Variants in DIS3L2 observed in about 807,000 individuals in gnomAD.
The protein encoded by DIS3L2 is DIS3 like 3'-5' exoribonuclease 2, also known as DIS3-like exonuclease 2.
In DIS3L2, 34 loss-of-function variants were observed where a neutral mutation model predicts 97.5. The observed-to-expected ratio is 0.35, with a 90% CI of 0.27 to 0.46. The LOEUF is 0.46. Ranked by LOEUF, DIS3L2 falls within the 20% of genes least tolerant of loss-of-function variation. The pLI is 1.00. For missense variants in DIS3L2, 1,038 were observed against 1,146.0 expected, an observed-to-expected ratio of 0.91 and a Z score of 1.36; for synonymous variants, 435 against 445.2, an observed-to-expected ratio of 0.98 and a Z score of 0.29.
At chr2:232,258,012 C>T (rs768100375) in intron 12 of DIS3L2, among the ~76,000 whole-genome samples, 1 of 152,200 alleles carries the variant, frequency 6.6e-6, no homozygotes, top group African/African-American at 2.4e-5. Flanking sequence ...GAACAATGCA[C>T]TCCTCCCAGA....
At chr2:232,128,968 C>A (rs187828285) in intron 6 of DIS3L2, among the ~76,000 whole-genome samples, 3 of 152,286 alleles carry the variant, frequency 2.0e-5, no homozygotes, top group African/African-American at 7.2e-5. Flanking sequence ...GAATATAGAA[C>A]CTGAAAAGGT....
chr2:232,138,674 A>AG (rs1474816463), intron 8 of DIS3L2, among the ~76,000 whole-genome samples: 1 of 152,120 alleles, frequency 6.6e-6, no homozygotes, highest in East Asian at 1.9e-4. Flanking sequence ...ATGACTGCCT[A>AG]GGTTTCCTCC....
chr2:232,096,269 A>G (rs969766281), intron 6 of DIS3L2, among the ~76,000 whole-genome samples: 73 of 151,290 alleles, frequency 4.8e-4, no homozygotes, highest in African/African-American at 1.5e-3. Context: ...TGTATTTTTA[A>G]TAGAGACAGG....
At chr2:231,975,704 CAAAAAAAA>C (rs34710079) in intron 1 of DIS3L2, among the ~76,000 whole-genome samples, 2 of 55,410 alleles carry the variant, frequency 3.6e-5, no homozygotes, top group African/African-American at 1.3e-4. Flanking sequence ...GACTCCGCCT[CAAAAAAAA>C]AAAAAAAAAA....
rs1339716607 is a variant in DIS3L2, at chr2:232,216,874, G to A, written c.1204+6469G>A. ...CCCTCCCCTCTTTTGATGGAGTCTT[G>A]CTCTGTCGCCCAGGCTGGAGGGCAG... On this transcript the variant is annotated intron_variant, in intron 10 of 20. Coordinates refer to ENST00000325385, the MANE Select transcript of DIS3L2 (RefSeq NM_152383.5). 4.6e-5 allele frequency among the ~76,000 whole-genome samples: 6 copies of A among 129,396 alleles called. No homozygotes were observed. The South Asian group carries it at 1.5e-3, about 33-fold the overall frequency. The allele number at this position is 129,396 out of a possible 152,430, so 84.9% of individuals were successfully genotyped here. A position where few individuals can be genotyped will look rare whatever the true frequency, so the allele number is the denominator to read the frequency against.
intron 13 of DIS3L2, among the ~76,000 whole-genome samples, chr2:232,295,848 A>C (rs924700768): frequency 6.6e-6 from 1 of 152,204 alleles, no homozygotes; most frequent in Non-Finnish European, 1.5e-5. Context: ...ACCTCTTAGA[A>C]GGATTTAACG....
chr2:232,088,243 G>T (rs1238954008), intron 6 of DIS3L2, among the ~76,000 whole-genome samples: 1 of 134,710 alleles, frequency 7.4e-6, no homozygotes, highest in Non-Finnish European at 1.6e-5. Context: ...TACTAAAAAT[G>T]CAAAAAAATT....
intron 1 of DIS3L2, among the ~76,000 whole-genome samples, chr2:231,994,870 T>G (rs1392636542): frequency 6.6e-6 from 1 of 150,862 alleles, no homozygotes; most frequent in African/African-American, 2.5e-5. Flanking sequence ...TGGAGTGCAG[T>G]GGCATTATCA....
At position 232,254,030 on chromosome 2, in the gene DIS3L2, G is replaced by A. The variant is rs569921436; in HGVS notation, c.1425+4684G>A. Among the ~76,000 whole-genome samples, 51 of 152,110 alleles carry A rather than the reference G, an allele frequency of 3.4e-4. 1 individual carries two copies. Among genetic ancestry groups the A allele is most frequent in the Admixed American group, 3.3e-3 (51 of 15,278 alleles). On this transcript the variant is annotated intron_variant, in intron 12 of 20. Transcript: ENST00000325385. ...AAACAAACCACAGACATGTCATTTC[G>A]CTCATACATATTTTAGTATGAAGCT...
chr2:232,075,154 G>C (rs1696146898), intron 5 of DIS3L2, among the ~76,000 whole-genome samples: 1 of 152,092 alleles, frequency 6.6e-6, no homozygotes, highest in Admixed American at 6.5e-5. Context: ...TAAGAGAATT[G>C]CATTTAGAGT....
At chr2:232,199,340 A>C (rs373901285) in intron 9 of DIS3L2, among the ~76,000 whole-genome samples, 1 of 152,238 alleles carries the variant, frequency 6.6e-6, no homozygotes, top group South Asian at 2.1e-4. Flanking sequence ...GAAGGGCCTG[A>C]ATTTTGAAGT....
intron 5 of DIS3L2, among the ~76,000 whole-genome samples, chr2:232,072,783 G>GGTGTGTGTGTGTGTGTGTGT (rs56884799): frequency 1.4e-5 from 2 of 139,812 alleles, no homozygotes; most frequent in African/African-American, 5.6e-5. Flanking sequence ...TGGGATGTGG[G>GGTGTGTGTGTGTGTGTGTGT]GTGTGTGTGT....
chr2:232,148,975 A>C lies in DIS3L2; in HGVS notation c.950+12256A>C, dbSNP rs2106365986. 2.0e-5 allele frequency among the ~76,000 whole-genome samples: 3 copies of C among 148,396 alleles called. No individual in the cohort carries two copies. The South Asian group carries it at 6.4e-4, about 32-fold the overall frequency. On this transcript the variant is annotated intron_variant, in intron 8 of 20. Transcript: ENST00000325385. ...ATACCATCTTTTAGTATTGACACTTAAAATAAAACTTCTCCCCAGAAAAAG... is the reference window on the plus strand; with the variant it reads ...ATACCATCTTTTAGTATTGACACTTCAAATAAAACTTCTCCCCAGAAAAAG...
Position 232,310,992 on chromosome 2 carries a change from G to C in DIS3L2, c.1739+10873G>C, listed in dbSNP as rs192591789. On this transcript the variant is annotated intron_variant, in intron 14 of 20. Coordinates refer to ENST00000325385, the MANE Select transcript of DIS3L2 (RefSeq NM_152383.5). The stretch of plus-strand genomic sequence containing the variant: ...AGTGCCTATTCCCCACTTGCTGGGA[G>C]AACCAGGGAGGGACAGAGTCTGAAG... Among the ~76,000 whole-genome samples, 3 of 152,374 alleles carry C rather than the reference G, an allele frequency of 2.0e-5. No individual in the cohort carries two copies. In the East Asian group the frequency reaches 5.8e-4, roughly 29 times the overall value.
At chr2:232,315,354 C>G (rs76836735) in intron 14 of DIS3L2, among the ~76,000 whole-genome samples, 2,986 of 152,348 alleles carry the variant, frequency 0.02, 102 homozygotes, top group African/African-American at 0.069. Context: ...GAGATATACT[C>G]TCAAGGAGGT....
At chr2:232,280,981 G>A (rs1455922950) in intron 13 of DIS3L2, among the ~76,000 whole-genome samples, 1 of 152,202 alleles carries the variant, frequency 6.6e-6, no homozygotes, top group African/African-American at 2.4e-5. Flanking sequence ...CCGTGGGTTG[G>A]TTTGTTCTGG....
chr2:232,105,323 A>C (rs1020667708), intron 6 of DIS3L2, among the ~76,000 whole-genome samples: 26 of 152,198 alleles, frequency 1.7e-4, no homozygotes, highest in African/African-American at 5.8e-4. Flanking sequence ...GAGGATTGTG[A>C]GGTTTTTAAA....
At chr2:231,995,038 C>T (rs937655714) in intron 1 of DIS3L2, among the ~76,000 whole-genome samples, 1 of 152,088 alleles carries the variant, frequency 6.6e-6, no homozygotes, top group Admixed American at 6.6e-5. Context: ...CTCCTGAGCT[C>T]AAGTGTTTTG....
intron 6 of DIS3L2, among the ~76,000 whole-genome samples, chr2:232,130,057 A>G (rs1698174779): frequency 6.6e-6 from 1 of 152,234 alleles, no homozygotes; most frequent in South Asian, 2.1e-4. Flanking sequence ...ATTAAACATT[A>G]AAAGACTTTA....
Sources: allele counts gnomAD v4.1 joint callset (sites outside exome capture counted in the v4.1 genomes callset), GRCh38; gene constraint gnomAD v4.1.1; transcripts MANE v1.5; gene names NCBI Gene and HGNC (gene_info 2026-07-23, HGNC 2026-07-21).